SOX5: variants seen among roughly 807,000 people sequenced by gnomAD.
SOX5 encodes transcription factor SOX-5.
Under a neutral mutation model 92.0 loss-of-function variants are expected in SOX5, and 9 were observed. The observed-to-expected ratio is 0.10, with a 90% CI of 0.06 to 0.17. The LOEUF (loss-of-function observed/expected upper bound fraction) is 0.17, where lower values mean the gene tolerates loss of function less well. SOX5 is among the 10% of genes least tolerant of loss of function. The pLI is 1.00. For missense variants in SOX5, 642 were observed against 944.5 expected, an observed-to-expected ratio of 0.68 and a Z score of 4.20; for synonymous variants, 344 against 336.3, an observed-to-expected ratio of 1.02 and a Z score of -0.25.
At chr12:23,758,834 T>C (rs2094480746) in intron 3 of SOX5, among the ~76,000 whole-genome samples, 1 of 151,968 alleles carries the variant, frequency 6.6e-6, no homozygotes, top group African/African-American at 2.4e-5. Context: ...TCCATCTGTC[T>C]CTCGTGTGTG....
At chr12:24,165,722 T>A (rs1285690681) in intron 4 of SOX5, among the ~76,000 whole-genome samples, 2 of 151,992 alleles carry the variant, frequency 1.3e-5, no homozygotes, top group South Asian at 2.1e-4. Context: ...TGGCTGGAGT[T>A]TGGCAGAGCC....
chr12:23,727,503 C>G (rs1026348455), intron 6 of SOX5, among the ~76,000 whole-genome samples: 1 of 151,980 alleles, frequency 6.6e-6, no homozygotes, highest in Non-Finnish European at 1.5e-5. Flanking sequence ...TTGGGAGTAA[C>G]AGAAGAGGAG....
chr12:24,477,025 T>C (rs1171422772), intron 1 of SOX5, among the ~76,000 whole-genome samples: 4 of 146,670 alleles, frequency 2.7e-5, no homozygotes, highest in Non-Finnish European at 6.0e-5. Context: ...AAAGAGTTCA[T>C]TCCAATCTAA....
intron 9 of SOX5, among the ~76,000 whole-genome samples, chr12:23,601,780 A>G (rs2074526326): frequency 6.6e-6 from 1 of 152,110 alleles, no homozygotes; most frequent in Non-Finnish European, 1.5e-5. Context: ...CATGTTCTTC[A>G]TTAAAATGAC....
Position 23,530,818 on chromosome 12 carries a change from T to TGTGTGCGCGCGCGC in SOX5, c.*3400_*3401insGCGCGCGCGCACAC. The TGTGTGCGCGCGCGC allele has an allele frequency of 7.6e-6, 1 of 132,052 alleles. No individual in the cohort carries two copies. Among genetic ancestry groups the TGTGTGCGCGCGCGC allele is most frequent in the South Asian group, 2.7e-4 (1 of 3,720 alleles). The allele number at this position is 132,052 out of a possible 1,614,324, so 8.2% of individuals were successfully genotyped here. ...GGGCAAGTGTGTGTGTGTGTGTGTG[T>TGTGTGCGCGCGCGC]GCGCGCGCGCGCGCGCGCATGTGAG... On this transcript the variant is annotated 3_prime_UTR_variant, in exon 15 of 15. Transcript: ENST00000451604.
At chr12:24,336,286 T>A (rs1205282989) in intron 2 of SOX5, among the ~76,000 whole-genome samples, 1 of 151,672 alleles carries the variant, frequency 6.6e-6, no homozygotes, top group Non-Finnish European at 1.5e-5. Context: ...GTAGAGACGG[T>A]GTTTCACCAT....
chr12:23,766,473 A>G lies in SOX5; in HGVS notation c.482-10749T>C, dbSNP rs143737865. Among the ~76,000 whole-genome samples, 206 of 152,250 alleles carry G rather than the reference A, an allele frequency of 1.4e-3. 1 individual carries two copies. The highest frequency in any genetic ancestry group is 4.8e-3 in the African/African-American group (198 of 41,552). Reference sequence around the variant, plus strand: ...GGGCAATCAGAGAGTATGGTTCATTATATTTTGTTTGAATCCCAGGAATCT... The same window carrying G: ...GGGCAATCAGAGAGTATGGTTCATTGTATTTTGTTTGAATCCCAGGAATCT... On this transcript the variant is annotated intron_variant, in intron 3 of 14. Coordinates refer to ENST00000451604, the MANE Select transcript of SOX5 (RefSeq NM_006940.6).
intron 6 of SOX5, among the ~76,000 whole-genome samples, chr12:23,701,559 G>C (rs2090631506): frequency 6.6e-6 from 1 of 151,976 alleles, no homozygotes; most frequent in Non-Finnish European, 1.5e-5. Context: ...CCCAACTTGA[G>C]TAAGTATTTA....
intron 1 of SOX5, among the ~76,000 whole-genome samples, chr12:24,496,578 C>T (rs1947660132): frequency 2.0e-5 from 3 of 152,014 alleles, no homozygotes; most frequent in Non-Finnish European, 4.4e-5. Flanking sequence ...AGAAACAAAA[C>T]AACTATACAA....
chr12:24,390,879 G>A (rs1485434862), intron 1 of SOX5, among the ~76,000 whole-genome samples: 4 of 152,120 alleles, frequency 2.6e-5, no homozygotes, highest in African/African-American at 7.2e-5. Flanking sequence ...GAATAGTGCT[G>A]TGATAAACAT....
At chr12:24,228,502 T>C (rs1962594137) in intron 3 of SOX5, among the ~76,000 whole-genome samples, 1 of 152,194 alleles carries the variant, frequency 6.6e-6, no homozygotes, top group African/African-American at 2.4e-5. Flanking sequence ...TTAAGCTCTA[T>C]GTGTTTTTCT....
intron 2 of SOX5, among the ~76,000 whole-genome samples, chr12:24,328,899 C>T (rs899162389): frequency 6.6e-6 from 1 of 152,098 alleles, no homozygotes; most frequent in Non-Finnish European, 1.5e-5. Context: ...AGTCCTTTTT[C>T]AAACCCTAAT....
At chr12:23,980,562 C>A (rs992640737) in intron 4 of SOX5, among the ~76,000 whole-genome samples, 3 of 152,058 alleles carry the variant, frequency 2.0e-5, no homozygotes, top group African/African-American at 7.2e-5. Context: ...TCAAAATGTT[C>A]TATTTTTTGG....
intron 2 of SOX5, among the ~76,000 whole-genome samples, chr12:23,870,199 G>C (rs2096858346): frequency 6.6e-6 from 1 of 151,934 alleles, no homozygotes; most frequent in Non-Finnish European, 1.5e-5. Context: ...AAAAAGACTA[G>C]GGAAGGTAAT....
chr12:23,888,600 G>T (rs968684388), intron 2 of SOX5, among the ~76,000 whole-genome samples: 1 of 152,128 alleles, frequency 6.6e-6, no homozygotes, highest in African/African-American at 2.4e-5. Flanking sequence ...CAAAATGATC[G>T]ATTGCACAAC....
intron 6 of SOX5, among the ~76,000 whole-genome samples, chr12:23,727,508 G>A (rs1378808601): frequency 1.3e-5 from 2 of 152,134 alleles, no homozygotes; most frequent in Non-Finnish European, 2.9e-5. Flanking sequence ...AGTAACAGAA[G>A]AGGAGATACA....
intron 4 of SOX5, among the ~76,000 whole-genome samples, chr12:24,063,153 A>G (rs1409470175): frequency 1.3e-5 from 2 of 152,142 alleles, no homozygotes; most frequent in African/African-American, 2.4e-5. Flanking sequence ...TCTCCCACCA[A>G]TATTTCCACT....
At position 23,599,935 on chromosome 12, in the gene SOX5, A is replaced by G. The variant is rs569125114; in HGVS notation, c.1164+4452T>C. Among the ~76,000 whole-genome samples the G allele has an allele frequency of 2.5e-4, 38 of 152,344 alleles. No individual in the cohort carries two copies. In the South Asian group the frequency reaches 3.7e-3, roughly 15 times the overall value. ...AGGTCATCTAGTCTCTTAAAAGACT[A>G]CATGAAAGTATGTGGAAATTCATTT... On this transcript the variant is annotated intron_variant, in intron 9 of 14. Transcript: ENST00000451604.
chr12:24,026,043 G>A (rs1287630125), intron 4 of SOX5, among the ~76,000 whole-genome samples: 1 of 152,046 alleles, frequency 6.6e-6, no homozygotes, highest in Non-Finnish European at 1.5e-5. Context: ...CTATTTAAAT[G>A]ACCAGACTTA....
Sources: gnomAD v4.1 joint callset for allele counts (sites outside exome capture counted in the v4.1 genomes callset) on GRCh38, gnomAD v4.1.1 for gene constraint, MANE v1.5 for transcripts, NCBI Gene and HGNC (gene_info 2026-07-23, HGNC 2026-07-21) for gene names.